Variants in CEP19 observed in about 807,000 individuals in gnomAD.
CEP19 encodes centrosomal protein of 19 kDa.
CEP19 carries 14 observed loss-of-function variants against 17.5 expected under a neutral mutation model. The ratio of observed to expected loss-of-function variants is 0.80; its 90% confidence interval spans 0.53 to 1.25. CEP19 has a LOEUF of 1.25. CEP19 is among the 50% of genes most tolerant of loss of function. The pLI, the probability that CEP19 is intolerant of heterozygous loss-of-function variation, is 0.00. For synonymous variants in CEP19, 59 were observed against 65.5 expected (o/e 0.90, Z 0.48); for missense variants, 193 against 192.0 (o/e 1.01, Z -0.03).
chr3:196,707,971 A>G (rs750848423), intron 2 of CEP19, 59 bp from the exon 3 acceptor site: 9 of 1,524,544 alleles, frequency 5.9e-6, no homozygotes, highest in Admixed American at 4.2e-5. Context: ...TATACGCCAT[A>G]AACTACTGCA....
Position 196,707,409 on chromosome 3 carries a change from T to C in CEP19, c.*142A>G, listed in dbSNP as rs1711560934. The stretch of plus-strand genomic sequence containing the variant: ...TCATGCACCTACATAGTAGATGCTT[T>C]AAATGTCCTGGTTTTGAAAAGTAAC... On this transcript the variant is annotated 3_prime_UTR_variant, in exon 3 of 3. Transcript: ENST00000409690. 7.8e-6 allele frequency: 7 copies of C among 892,890 alleles called. No homozygotes were observed. The Admixed American group carries it at 1.5e-4, about 20-fold the overall frequency. 55.3% of individuals were successfully genotyped at this position (892,890 alleles called of 1,614,324 possible). A position where few individuals can be genotyped will look rare whatever the true frequency, so the allele number is the denominator to read the frequency against.
chr3:196,711,679 C>T (rs1411064729), intron 1 of CEP19, among the ~76,000 whole-genome samples: 1 of 152,148 alleles, frequency 6.6e-6, no homozygotes, highest in Non-Finnish European at 1.5e-5. Flanking sequence ...CGCTCTAGAG[C>T]CCTCTATTCC....
At chr3:196,708,958 C>T (rs558157222) in intron 1 of CEP19, 3 of 263,984 alleles carry the variant, frequency 1.1e-5, no homozygotes, top group South Asian at 8.2e-5. Context: ...TGCGCGGGAA[C>T]GACCACAAAG....
chr3:196,709,874 A>G (rs991832458), intron 1 of CEP19, among the ~76,000 whole-genome samples: 2 of 152,226 alleles, frequency 1.3e-5, no homozygotes, highest in Non-Finnish European at 1.5e-5. Flanking sequence ...GCATAGGGTG[A>G]TGATATCTTC....
chr3:196,710,953 GC>G (rs763126933), intron 1 of CEP19, among the ~76,000 whole-genome samples: 1,746 of 129,708 alleles, frequency 0.013, 38 homozygotes, highest in African/African-American at 0.047. Flanking sequence ...CTCTTTTCTT[GC>G]TTTTTTTTTT....
Position 196,707,572 on chromosome 3 carries a change from T to G in CEP19, c.471A>C (p.Thr157=). ...DDQLQSCGWD[T]ESADEF Reference sequence around the variant, plus strand: ...GGTATCAGAACTCATCAGCTGACTCTGTGTCCCAGCCACAGGACTGCAGTT... The same window carrying G: ...GGTATCAGAACTCATCAGCTGACTCGGTGTCCCAGCCACAGGACTGCAGTT... The change falls in exon 3 of 3, where the codon ACA becomes ACC. Residue 157 remains threonine, a synonymous_variant. Transcript: ENST00000409690. The G allele has an allele frequency of 1.2e-6, 2 of 1,610,702 alleles. No homozygotes were observed. Among genetic ancestry groups the G allele is most frequent in the South Asian group, 1.1e-5 (1 of 90,836 alleles).
intron 1 of CEP19, among the ~76,000 whole-genome samples, chr3:196,710,842 TAAAAAAAAAA>T (rs71161953): frequency 2.0e-5 from 2 of 98,206 alleles, no homozygotes; most frequent in East Asian, 3.1e-4. Flanking sequence ...CGCCTATTCT[TAAAAAAAAAA>T]AAAAAAAAAA....
At position 196,711,944 on chromosome 3, in the gene CEP19, G is replaced by C. The variant is rs1253724524; in HGVS notation, c.-86C>G. 5 of 717,378 alleles carry C rather than the reference G, an allele frequency of 7.0e-6. No homozygotes were observed. Among genetic ancestry groups the C allele is most frequent in the Non-Finnish European group, 1.3e-5 (5 of 385,090 alleles). The allele number at this position is 717,378 out of a possible 1,614,324, so 44.4% of individuals were successfully genotyped here. On this transcript the variant is annotated 5_prime_UTR_variant, in exon 1 of 3. Transcript: ENST00000409690. The stretch of plus-strand genomic sequence containing the variant: ...GCTTTCTTACCCTTAGAGGAATACA[G>C]AAATGACATCGTCTGCAGGCCAACG...
In CEP19 at chr3:196,707,530, G is replaced by T. The variant is rs1711564764; in HGVS notation, c.*21C>A. ...AACATGGATATTCTGCTAGCCCAAT[G>T]CATGTTTTGAGTGTTTGGTATCAGA... On this transcript the variant is annotated 3_prime_UTR_variant, in exon 3 of 3. Transcript: ENST00000409690. The T allele has an allele frequency of 6.3e-7, 1 of 1,579,994 alleles. No homozygotes were observed.
At chr3:196,711,314 A>G (rs116280250) in intron 1 of CEP19, among the ~76,000 whole-genome samples, 129 of 148,614 alleles carry the variant, frequency 8.7e-4, no homozygotes, top group African/African-American at 3.2e-3. Context: ...ACATGCTTAT[A>G]CTACCATTTT....
Position 196,712,091 on chromosome 3 carries a change from C to T in CEP19, c.-233G>A. On this transcript the variant is annotated 5_prime_UTR_variant, in exon 1 of 3. Coordinates refer to ENST00000409690, the MANE Select transcript of CEP19 (RefSeq NM_032898.5). ...GAGGCGACAGCCACAGCCCTACTGA[C>T]GAGCCCGAGGGGTGAACTCCCCGGC... 1 of 669,936 alleles carries T rather than the reference C, an allele frequency of 1.5e-6. No homozygotes were observed. 41.5% of individuals were successfully genotyped at this position (669,936 alleles called of 1,614,324 possible).
intron 1 of CEP19, chr3:196,709,035 C>A (rs570944052): frequency 1.3e-4 from 25 of 193,592 alleles, no homozygotes; most frequent in Non-Finnish European, 2.4e-4. Flanking sequence ...CCTGTTGGAT[C>A]CCTAAGATCT....
At position 196,707,464 on chromosome 3, in the gene CEP19, T is replaced by C; in HGVS notation, c.*87A>G. The stretch of plus-strand genomic sequence containing the variant: ...TCAATCCCCTATAACCCAACATATT[T>C]AGTATTCTTTACAGCTTCTTCCAGA... On this transcript the variant is annotated 3_prime_UTR_variant, in exon 3 of 3. Transcript: ENST00000409690. The C allele has an allele frequency of 4.3e-6, 6 of 1,394,754 alleles. No individual in the cohort carries two copies. Among genetic ancestry groups the C allele is most frequent in the Non-Finnish European group, 4.8e-6 (5 of 1,032,572 alleles). 86.4% of individuals were successfully genotyped at this position (1,394,754 alleles called of 1,614,324 possible). A position where few individuals can be genotyped will look rare whatever the true frequency, so the allele number is the denominator to read the frequency against.
chr3:196,711,937 G>C lies in CEP19; in HGVS notation c.-79C>G. The C allele has an allele frequency of 1.4e-6, 1 of 717,482 alleles. No individual in the cohort carries two copies. The highest frequency in any genetic ancestry group is 2.6e-6 in the Non-Finnish European group (1 of 385,080). The allele number at this position is 717,482 out of a possible 1,614,324, so 44.4% of individuals were successfully genotyped here. ...AAGGCTGGCTTTCTTACCCTTAGAG[G>C]AATACAGAAATGACATCGTCTGCAG... is the stretch of plus-strand genomic sequence containing the variant. On this transcript the variant is annotated 5_prime_UTR_variant, in exon 1 of 3. Transcript: ENST00000409690.
At position 196,708,111 on chromosome 3, in the gene CEP19, G is replaced by A. The variant is rs531459179; in HGVS notation, c.131-199C>T. Among the ~76,000 whole-genome samples the A allele has an allele frequency of 3.9e-5, 6 of 152,240 alleles. No homozygotes were observed. The East Asian group carries it at 1.2e-3, about 29-fold the overall frequency. On this transcript the variant is annotated intron_variant, in intron 2 of 2. Transcript: ENST00000409690. Reference sequence around the variant, plus strand: ...CTTTATATTGAGCTTTCAGTGTGGTGGGAGAAGGACAGATACAGTTTTGAC... The same window carrying A: ...CTTTATATTGAGCTTTCAGTGTGGTAGGAGAAGGACAGATACAGTTTTGAC...
chr3:196,708,733 G>C lies in CEP19; in HGVS notation c.-70-6C>G. On this transcript the variant is annotated splice_polypyrimidine_tract_variant and splice_region_variant and intron_variant, in intron 1 of 2. Transcript: ENST00000409690. ...AGTTGCATAATGACTTCCTGCTAAA[G>C]GGAAAAAACAACTAGGTGTTGGATA... The C allele has an allele frequency of 6.8e-7, 1 of 1,473,500 alleles. No individual in the cohort carries two copies. Among genetic ancestry groups the C allele is most frequent in the Non-Finnish European group, 9.3e-7 (1 of 1,072,662 alleles). 91.3% of individuals were successfully genotyped at this position (1,473,500 alleles called of 1,614,324 possible).
chr3:196,709,164 T>C (rs1577660500), intron 1 of CEP19, among the ~76,000 whole-genome samples: 2 of 152,166 alleles, frequency 1.3e-5, no homozygotes, highest in African/African-American at 2.4e-5. Context: ...GTCAGCCCAA[T>C]AGCTGACCTA....
intron 1 of CEP19, among the ~76,000 whole-genome samples, chr3:196,710,949 TCTTG>T (rs1711740385): frequency 6.8e-6 from 1 of 147,096 alleles, no homozygotes; most frequent in African/African-American, 2.6e-5. Context: ...CCTTCTCTTT[TCTTG>T]CTTTTTTTTT....
intron 1 of CEP19, among the ~76,000 whole-genome samples, chr3:196,710,842 TA>T (rs71161953): frequency 0.073 from 7,170 of 98,000 alleles, 285 homozygotes; most frequent in African/African-American, 0.091. Context: ...CGCCTATTCT[TA>T]AAAAAAAAAA....
Sources: allele counts gnomAD v4.1 joint callset (sites outside exome capture counted in the v4.1 genomes callset), GRCh38; gene constraint gnomAD v4.1.1; transcripts MANE v1.5; gene names NCBI Gene and HGNC (gene_info 2026-07-23, HGNC 2026-07-21).